Variants in NHS observed in about 807,000 individuals in gnomAD.
The protein encoded by NHS is NHS actin remodeling regulator.
NHS carries 5 observed loss-of-function variants against 72.5 expected under a neutral mutation model. That is an observed-to-expected ratio of 0.07 (90% CI 0.04 to 0.14). NHS has a LOEUF of 0.14. Ranked by LOEUF, NHS falls within the 10% of genes least tolerant of loss-of-function variation. NHS has a pLI of 1.00. For synonymous variants in NHS, 464 were observed against 547.7 expected, an observed-to-expected ratio of 0.85 and a Z score of 2.13; for missense variants, 1,072 against 1,355.7, an observed-to-expected ratio of 0.79 and a Z score of 3.29.
In NHS at chrX:17,400,370, G is replaced by A. The variant is rs187360050; in HGVS notation, c.565+24048G>A. ...TGGGAGGCTGAAGTGGGTGGATTACGAGGTCAGGATTTCGAGACCAGCCTG... is the reference window on the plus strand; with the variant it reads ...TGGGAGGCTGAAGTGGGTGGATTACAAGGTCAGGATTTCGAGACCAGCCTG... On this transcript the variant is annotated intron_variant, in intron 1 of 8. Coordinates refer to ENST00000676302, the MANE Select transcript of NHS (RefSeq NM_001291867.2). Among the ~76,000 whole-genome samples the A allele has an allele frequency of 2.7e-3, 298 of 111,523 alleles. 2 individuals carry two copies. The highest frequency in any genetic ancestry group is 9.0e-3 in the African/African-American group (276 of 30,721).
At chrX:17,458,561 C>T (rs1021802295) in intron 1 of NHS, among the ~76,000 whole-genome samples, 10 of 110,808 alleles carry the variant, frequency 9.0e-5, no homozygotes, top group African/African-American at 1.6e-4. Flanking sequence ...GGCTTGATAT[C>T]GGCTCACTGC....
In NHS at chrX:17,724,352, T is replaced by A; in HGVS notation, c.1162T>A (p.Ser388Thr). Reference sequence around the variant, plus strand: ...ACGCTGCTCTCTGGTTCATTCACAATCGGTACTACAGCGGAGACGAAAATT... The same window carrying A: ...ACGCTGCTCTCTGGTTCATTCACAAACGGTACTACAGCGGAGACGAAAATT... ...SIRCSLVHSQ[S>T]VLQRRRKLRR... Residue 388 changes from serine to threonine, a missense_variant, in exon 6 of 9, where the codon TCG becomes ACG. Coordinates refer to ENST00000676302, the MANE Select transcript of NHS (RefSeq NM_001291867.2). The A allele has an allele frequency of 8.3e-7, 1 of 1,211,764 alleles. No homozygotes were observed. Among genetic ancestry groups the A allele is most frequent in the South Asian group, 1.8e-5 (1 of 57,008 alleles).
chrX:17,684,572 T>A (rs189815892), intron 1 of NHS, among the ~76,000 whole-genome samples: 93 of 112,122 alleles, frequency 8.3e-4, no homozygotes, highest in Admixed American at 2.4e-3. Flanking sequence ...CCCTGCCACA[T>A]GTCCCTCTCC....
At chrX:17,449,576 T>A (rs769326728) in intron 1 of NHS, among the ~76,000 whole-genome samples, 1 of 112,228 alleles carries the variant, frequency 8.9e-6, no homozygotes, top group East Asian at 2.8e-4. Flanking sequence ...TGCACTTTAC[T>A]GTATGTAAGT....
intron 1 of NHS, among the ~76,000 whole-genome samples, chrX:17,544,228 G>A (rs1459342823): frequency 8.9e-6 from 1 of 112,339 alleles, no homozygotes; most frequent in African/African-American, 3.2e-5. Flanking sequence ...ACACGAAGAA[G>A]TGAAGTGACT....
intron 3 of NHS, among the ~76,000 whole-genome samples, chrX:17,706,601 A>G (rs1249450474): frequency 9.0e-6 from 1 of 111,706 alleles, no homozygotes; most frequent in Non-Finnish European, 1.9e-5. Flanking sequence ...ATATGACTTC[A>G]GGTGAAGGTG....
chrX:17,509,184 A>G (rs187910583), intron 1 of NHS, among the ~76,000 whole-genome samples: 2 of 107,026 alleles, frequency 1.9e-5, no homozygotes, highest in Admixed American at 2.0e-4. Context: ...TTATTCTTGA[A>G]CTTCAGGTAA....
At chrX:17,470,195 C>G (rs184145030) in intron 1 of NHS, among the ~76,000 whole-genome samples, 1 of 110,338 alleles carries the variant, frequency 9.1e-6, no homozygotes, top group Non-Finnish European at 1.9e-5. Context: ...AAGTGACATT[C>G]CTAAGGCCAC....
intron 1 of NHS, among the ~76,000 whole-genome samples, chrX:17,567,036 CTT>C (rs1411773642): frequency 8.9e-6 from 1 of 112,224 alleles, no homozygotes; most frequent in Admixed American, 9.4e-5. Context: ...GCAAAATGGC[CTT>C]TTCCGTTATG....
intron 1 of NHS, among the ~76,000 whole-genome samples, chrX:17,500,277 G>A (rs953553278): frequency 1.8e-5 from 2 of 111,965 alleles, no homozygotes; most frequent in African/African-American, 6.5e-5. Context: ...TCACAAGCTG[G>A]GGCTTTAAGG....
chrX:17,641,469 C>T (rs769201778), intron 1 of NHS, among the ~76,000 whole-genome samples: 10 of 111,960 alleles, frequency 8.9e-5, no homozygotes, highest in African/African-American at 2.9e-4. Flanking sequence ...TGTAGGACAA[C>T]GACATTTCTC....
intron 1 of NHS, among the ~76,000 whole-genome samples, chrX:17,445,922 C>T (rs776714509): frequency 1.8e-5 from 2 of 110,066 alleles, no homozygotes; most frequent in East Asian, 5.7e-4. Context: ...CCCCTTGGGC[C>T]CCCTTGGATA....
At chrX:17,486,893 A>G (rs2064969676) in intron 1 of NHS, among the ~76,000 whole-genome samples, 1 of 111,117 alleles carries the variant, frequency 9.0e-6, no homozygotes, top group Non-Finnish European at 1.9e-5. Context: ...CACCATAGCA[A>G]CCTAACGGGG....
intron 1 of NHS, among the ~76,000 whole-genome samples, chrX:17,415,296 C>T (rs2064587487): frequency 9.0e-6 from 1 of 111,284 alleles, no homozygotes; most frequent in Non-Finnish European, 1.9e-5. Context: ...TGAATCAATC[C>T]TCTGGACTCC....
chrX:17,709,088 A>G (rs942589294), intron 3 of NHS, among the ~76,000 whole-genome samples: 10 of 111,138 alleles, frequency 9.0e-5, no homozygotes, highest in African/African-American at 3.3e-4. Context: ...GGTGATGCCT[A>G]TATACCTCCC....
chrX:17,692,391 G>C lies in NHS; in HGVS notation c.775G>C (p.Ala259Pro), dbSNP rs762723359. 3.3e-6 allele frequency: 4 copies of C among 1,207,589 alleles called. No homozygotes were observed. In the African/African-American group the frequency reaches 7.1e-5, roughly 21 times the overall value. Residue 259 changes from alanine to proline, a missense_variant, in exon 3 of 9, where the codon GCA becomes CCA. Physicochemically the swap from Ala to Pro is conservative, Grantham distance 27. Coordinates refer to ENST00000676302, the MANE Select transcript of NHS (RefSeq NM_001291867.2). Reference sequence around the variant, plus strand: ...AAGAGCAGCTGCCCCCCTTTCCATTGCAGCTCCTCCACTGCCAGCCTACCC... The same window carrying C: ...AAGAGCAGCTGCCCCCCTTTCCATTCCAGCTCCTCCACTGCCAGCCTACCC... ...EQRAAAPLSI[A>P]APPLPAYPPA... is the part of the protein sequence containing the mutation.
chrX:17,686,237 C>T (rs1041387070), intron 1 of NHS, among the ~76,000 whole-genome samples: 2 of 112,324 alleles, frequency 1.8e-5, no homozygotes, highest in Non-Finnish European at 3.8e-5. Flanking sequence ...GTGTTTTTGA[C>T]AAGCACTTCT....
chrX:17,501,543 T>A (rs1049880247), intron 1 of NHS, among the ~76,000 whole-genome samples: 3 of 111,586 alleles, frequency 2.7e-5, no homozygotes, highest in Non-Finnish European at 5.6e-5. Context: ...GAGACCAGCC[T>A]GAGCAACATG....
chrX:17,429,181 A>G (rs2064672991), intron 1 of NHS, among the ~76,000 whole-genome samples: 1 of 110,091 alleles, frequency 9.1e-6, no homozygotes, highest in Non-Finnish European at 1.9e-5. Context: ...AGGATAATGA[A>G]GTCTGCTAAA....
Sources: allele counts gnomAD v4.1 joint callset (sites outside exome capture counted in the v4.1 genomes callset), GRCh38; gene constraint gnomAD v4.1.1; transcripts MANE v1.5; gene names NCBI Gene and HGNC (gene_info 2026-07-23, HGNC 2026-07-21).